The following SRSF11 variants were observed in gnomAD, a reference collection of about 807,000 sequenced individuals.
The protein encoded by SRSF11 is serine/arginine-rich splicing factor 11.
SRSF11 carries 9 observed loss-of-function variants against 56.0 expected under a neutral mutation model. The observed-to-expected ratio is 0.16, with a 90% CI of 0.10 to 0.28. The LOEUF is 0.28. SRSF11 is among the 10% of genes least tolerant of loss of function. SRSF11 has a pLI of 1.00. For synonymous variants in SRSF11, 222 were observed against 215.3 expected (o/e 1.03, Z -0.27); for missense variants, 421 against 600.7 (o/e 0.70, Z 3.13).
upstream of SRSF11, among the ~76,000 whole-genome samples, chr1:70,219,893 G>A (rs1670359987): frequency 6.6e-6 from 1 of 152,170 alleles, no homozygotes; most frequent in Non-Finnish European, 1.5e-5. Flanking sequence ...TGACTGCATT[G>A]TGCCAAGAGG....
At chr1:70,237,950 T>G (rs1674486654) in intron 6 of SRSF11, among the ~76,000 whole-genome samples, 1 of 152,214 alleles carries the variant, frequency 6.6e-6, no homozygotes, top group African/African-American at 2.4e-5. Context: ...TGAAAATGCT[T>G]CTGTTTAAAA....
intron 1 of SRSF11, among the ~76,000 whole-genome samples, chr1:70,227,265 A>AT (rs1224854671): frequency 2.0e-5 from 3 of 152,162 alleles, no homozygotes; most frequent in Non-Finnish European, 2.9e-5. Context: ...GGTGTGTTTC[A>AT]TTTTTTAGAA....
chr1:70,229,758 T>G, intron 2 of SRSF11: 10 of 984,434 alleles, frequency 1.0e-5, no homozygotes, highest in Non-Finnish European at 1.2e-5. Context: ...TGTCTAGTCC[T>G]TAACAGAGAA....
intron 1 of SRSF11, among the ~76,000 whole-genome samples, chr1:70,206,110 A>G (rs148466276): frequency 1.9e-3 from 285 of 152,320 alleles, no homozygotes; most frequent in Middle Eastern, 0.01. Context: ...CTTACCCAGC[A>G]AAGGAGGTAA....
intron 7 of SRSF11, among the ~76,000 whole-genome samples, chr1:70,242,378 A>G (rs1464524594): frequency 2.7e-5 from 4 of 149,538 alleles, no homozygotes; most frequent in Non-Finnish European, 4.4e-5. Flanking sequence ...CCCACACCCC[A>G]CACCCCCACC....
intron 1 of SRSF11, among the ~76,000 whole-genome samples, chr1:70,207,512 C>A (rs549660274): frequency 1.0e-3 from 159 of 151,974 alleles, no homozygotes; most frequent in African/African-American, 3.6e-3. Flanking sequence ...TTTCATAATT[C>A]CCAACTTGCT....
chr1:70,229,656 G>A (rs1200654276), intron 2 of SRSF11: 1 of 984,940 alleles, frequency 1.0e-6, no homozygotes, highest in East Asian at 1.1e-4. Context: ...GTCAGTGGAA[G>A]TGGAATCTTA....
At chr1:70,209,955 A>C (rs1669408988) in intron 1 of SRSF11, among the ~76,000 whole-genome samples, 1 of 151,728 alleles carries the variant, frequency 6.6e-6, no homozygotes, top group East Asian at 1.9e-4. Context: ...TTTTACTGAT[A>C]GTTTCAAATG....
intron 1 of SRSF11, among the ~76,000 whole-genome samples, chr1:70,210,339 T>C (rs139906658): frequency 1.4e-3 from 208 of 152,188 alleles, no homozygotes; most frequent in African/African-American, 4.8e-3. Flanking sequence ...TAATGTTTTA[T>C]AGAGACAGGG....
chr1:70,246,971 C>G (rs534771675), intron 9 of SRSF11, 64 bp downstream of exon 9: 34 of 1,341,420 alleles, frequency 2.5e-5, no homozygotes, highest in Non-Finnish European at 3.3e-5. Context: ...AGTATCAGTA[C>G]GCTGTCAGTA....
At chr1:70,211,235 A>G (rs906078632) in intron 1 of SRSF11, among the ~76,000 whole-genome samples, 1 of 152,038 alleles carries the variant, frequency 6.6e-6, no homozygotes, top group East Asian at 1.9e-4. Context: ...ACCAAACCCT[A>G]TGTTTATGTT....
chr1:70,250,631 A>G lies in SRSF11; in HGVS notation c.1281A>G (p.Glu427=). 6.2e-7 allele frequency: 1 copy of G among 1,613,936 alleles called. No individual in the cohort carries two copies. The highest frequency in any genetic ancestry group is 8.5e-7 in the Non-Finnish European group (1 of 1,179,938). The change falls in exon 12 of 12, where the codon GAA becomes GAG. Residue 427 remains glutamate (E), a synonymous_variant. Transcript: ENST00000370949. ...DVKQVTRDYD[E]EEQGYDSEKE... ...AGCAGGTTACACGGGATTATGATGA[A>G]GAGGAACAGGGGTATGACAGTGAGA...
rs371606956 is a variant in SRSF11, at chr1:70,250,691, A to G, written c.1341A>G (p.Thr447=). 6.8e-6 allele frequency: 11 copies of G among 1,613,902 alleles called. No individual in the cohort carries two copies. Among genetic ancestry groups the G allele is most frequent in the Non-Finnish European group, 9.3e-6 (11 of 1,179,958 alleles). ...EKKEEKKPIE[T]GSPKTKECSV... ...AAGAAGAGAAGAAACCAATAGAAACAGGTTCCCCTAAAACAAAGGAATGTT... is the reference window on the plus strand; with the variant it reads ...AAGAAGAGAAGAAACCAATAGAAACGGGTTCCCCTAAAACAAAGGAATGTT... The change falls in exon 12 of 12, where the codon ACA becomes ACG. Residue 447 remains threonine, a synonymous_variant. Coordinates refer to ENST00000370949, the MANE Select transcript of SRSF11 (RefSeq NM_001350605.2).
intron 5 of SRSF11, among the ~76,000 whole-genome samples, chr1:70,236,594 T>C (rs1414276248): frequency 6.6e-6 from 1 of 151,634 alleles, no homozygotes; most frequent in Non-Finnish European, 1.5e-5. Context: ...CTTCCCAAAG[T>C]GCTGGGCTTA....
At chr1:70,242,204 T>G (rs982539134) in intron 7 of SRSF11, among the ~76,000 whole-genome samples, 1 of 152,082 alleles carries the variant, frequency 6.6e-6, no homozygotes, top group Non-Finnish European at 1.5e-5. Context: ...GTCTTTTTCT[T>G]TATATTAAAT....
chr1:70,209,944 A>G (rs1403394091), intron 1 of SRSF11, among the ~76,000 whole-genome samples: 1 of 150,480 alleles, frequency 6.6e-6, no homozygotes, highest in Non-Finnish European at 1.5e-5. Flanking sequence ...CATATTTTGC[A>G]TTTTACTGAT....
Position 70,232,390 on chromosome 1 carries a change from T to C in SRSF11, c.447+13T>C. 6.3e-7 allele frequency: 1 copy of C among 1,594,412 alleles called. No individual in the cohort carries two copies. The highest frequency in any genetic ancestry group is 1.1e-5 in the South Asian group (1 of 88,370). ...CCCACTTACCCAGGTACTAGTTCTA[T>C]TGAATTCTTAAAGGGTGGGGAAAAA... On this transcript the variant is annotated intron_variant, in intron 3 of 11. Transcript: ENST00000370949.
At chr1:70,244,163 G>A (rs1030108739) in intron 7 of SRSF11, among the ~76,000 whole-genome samples, 1 of 152,126 alleles carries the variant, frequency 6.6e-6, no homozygotes, top group African/African-American at 2.4e-5. Context: ...ATAGGAGATG[G>A]CAACACAATA....
chr1:70,239,977 A>G (rs1006856856), intron 7 of SRSF11, among the ~76,000 whole-genome samples: 2 of 152,174 alleles, frequency 1.3e-5, no homozygotes, highest in African/African-American at 2.4e-5. Context: ...AGATTCATCT[A>G]TTTTCCTTAT....
Sources: allele counts gnomAD v4.1 joint callset (sites outside exome capture counted in the v4.1 genomes callset), GRCh38; gene constraint gnomAD v4.1.1; transcripts MANE v1.5; gene names NCBI Gene and HGNC (gene_info 2026-07-23, HGNC 2026-07-21).